BMPR2: variants seen among roughly 807,000 people sequenced by gnomAD.
The protein encoded by BMPR2 is bone morphogenetic protein receptor type-2.
Under a neutral mutation model 100.8 loss-of-function variants are expected in BMPR2, and 29 were observed. The observed-to-expected ratio is 0.29, with a 90% confidence interval of 0.21 to 0.39. The LOEUF (loss-of-function observed/expected upper bound fraction) is 0.39, where lower values mean the gene tolerates loss of function less well. BMPR2 is among the 10% of genes least tolerant of loss of function. BMPR2 has a pLI of 1.00. For synonymous variants in BMPR2, 382 were observed against 442.3 expected, an observed-to-expected ratio of 0.86 and a Z score of 1.71; for missense variants, 1,011 against 1,274.5, an observed-to-expected ratio of 0.79 and a Z score of 3.15.
intron 1 of BMPR2, among the ~76,000 whole-genome samples, chr2:202,430,819 T>TGTG (rs1426300810): frequency 6.7e-6 from 1 of 149,796 alleles, no homozygotes; most frequent in Non-Finnish European, 1.5e-5. Flanking sequence ...ATTAGCCAGG[T>TGTG]GTGGTGGCAC....
chr2:202,527,840 C>A (rs1687947032), intron 7 of BMPR2, among the ~76,000 whole-genome samples: 1 of 151,842 alleles, frequency 6.6e-6, no homozygotes, highest in African/African-American at 2.4e-5. Flanking sequence ...AAAAAATATT[C>A]CCAAGTACAG....
Position 202,377,387 on chromosome 2 carries a change from A to G in BMPR2, c.-88A>G. ...GATACGGGCAGGATCAGTCCACGGG[A>G]GAGAAGACGAGCCTCCCGGCTGTTT... On this transcript the variant is annotated 5_prime_UTR_variant, in exon 1 of 13. Transcript: ENST00000374580. 1.6e-6 allele frequency: 2 copies of G among 1,266,852 alleles called. No homozygotes were observed. Among genetic ancestry groups the G allele is most frequent in the South Asian group, 1.2e-5 (1 of 84,208 alleles). The allele number at this position is 1,266,852 out of a possible 1,614,324, so 78.5% of individuals were successfully genotyped here. A position where few individuals can be genotyped will look rare whatever the true frequency, so the allele number is the denominator to read the frequency against.
At chr2:202,474,011 A>G (rs998633502) in intron 3 of BMPR2, among the ~76,000 whole-genome samples, 1 of 151,350 alleles carries the variant, frequency 6.6e-6, no homozygotes, top group Admixed American at 6.6e-5. Context: ...AGGCTGAGGC[A>G]GAAGAATTCC....
chr2:202,436,498 C>T (rs959861721), intron 1 of BMPR2, among the ~76,000 whole-genome samples: 3 of 150,326 alleles, frequency 2.0e-5, no homozygotes, highest in Admixed American at 1.3e-4. Flanking sequence ...AAACAAAAGC[C>T]GAAAAGAAAA....
intron 1 of BMPR2, among the ~76,000 whole-genome samples, chr2:202,389,250 G>T (rs948727298): frequency 6.6e-6 from 1 of 151,798 alleles, no homozygotes; most frequent in Non-Finnish European, 1.5e-5. Context: ...AAAAAAGGCT[G>T]GGTGTGGTGG....
rs142857768 is a variant in BMPR2 at position 202,434,311 on chromosome 2, G to A, written c.77-30498G>A. ...TTAAAGCAATGGCTACCAAGAGGTG[G>A]AAGTGGTCCAGTCAAAGCAAAATGG... On this transcript the variant is annotated intron_variant, in intron 1 of 12. Coordinates refer to ENST00000374580, the MANE Select transcript of BMPR2 (RefSeq NM_001204.7). Among the ~76,000 whole-genome samples, 462 of 150,746 alleles carry A rather than the reference G, an allele frequency of 3.1e-3. 35 individuals are homozygous for A. The highest frequency in any genetic ancestry group is 9.6e-3 in the African/African-American group (383 of 40,082).
At chr2:202,384,686 C>T (rs1025642064) in intron 1 of BMPR2, among the ~76,000 whole-genome samples, 2 of 151,734 alleles carry the variant, frequency 1.3e-5, no homozygotes, top group East Asian at 1.9e-4. Context: ...CTTCACCTCC[C>T]GGGTACAAGT....
At chr2:202,436,389 T>C (rs1691615371) in intron 1 of BMPR2, among the ~76,000 whole-genome samples, 1 of 150,028 alleles carries the variant, frequency 6.7e-6, no homozygotes, top group Admixed American at 6.6e-5. Context: ...GAGGCTGCAG[T>C]GAGCCCTGAT....
intron 1 of BMPR2, among the ~76,000 whole-genome samples, chr2:202,446,151 G>A (rs761555550): frequency 8.0e-5 from 12 of 150,200 alleles, no homozygotes; most frequent in South Asian, 4.2e-4. Context: ...CTGTAATCCC[G>A]GCACTTTGGG....
At chr2:202,411,444 A>C (rs1691011336) in intron 1 of BMPR2, among the ~76,000 whole-genome samples, 2 of 152,252 alleles carry the variant, frequency 1.3e-5, no homozygotes, top group Admixed American at 1.3e-4. Context: ...TTACAAAATT[A>C]CTTTCCTTGT....
intron 1 of BMPR2, among the ~76,000 whole-genome samples, chr2:202,418,540 G>T (rs1691186569): frequency 2.0e-5 from 3 of 152,170 alleles, no homozygotes; most frequent in Admixed American, 2.0e-4. Context: ...GTTACAGCTT[G>T]ATTTTATACA....
At chr2:202,447,076 G>C (rs540600443) in intron 1 of BMPR2, among the ~76,000 whole-genome samples, 11 of 149,498 alleles carry the variant, frequency 7.4e-5, no homozygotes, top group Non-Finnish European at 1.5e-4. Context: ...GGGAGGCCGA[G>C]GTGGGCGGAT....
chr2:202,480,861 A>G (rs1692645052), intron 3 of BMPR2, among the ~76,000 whole-genome samples: 1 of 148,276 alleles, frequency 6.7e-6, no homozygotes, highest in African/African-American at 2.5e-5. Context: ...AGGCTGAGGC[A>G]GGAGAATGGC....
chr2:202,458,276 G>T (rs1417939112), intron 1 of BMPR2, among the ~76,000 whole-genome samples: 1 of 93,690 alleles, frequency 1.1e-5, no homozygotes, highest in African/African-American at 4.4e-5. Flanking sequence ...GCAAGACCTT[G>T]TCTCTGCAAA....
chr2:202,520,033 T>G lies in BMPR2; in HGVS notation c.853-54T>G. 13 of 1,164,474 alleles carry G rather than the reference T, an allele frequency of 1.1e-5. No homozygotes were observed. The South Asian group carries it at 1.6e-4, about 15-fold the overall frequency. 72.1% of individuals were successfully genotyped at this position (1,164,474 alleles called of 1,614,324 possible). On this transcript the variant is annotated intron_variant, in intron 6 of 12. Coordinates refer to ENST00000374580, the MANE Select transcript of BMPR2 (RefSeq NM_001204.7). Reference sequence around the variant, plus strand: ...TAAGGATGCTAATTTACTCTTCATGTTAAAGTGAGTTAATTCTACCTTTTT... The same window carrying G: ...TAAGGATGCTAATTTACTCTTCATGGTAAAGTGAGTTAATTCTACCTTTTT...
chr2:202,417,761 C>T (rs1349949186), intron 1 of BMPR2, among the ~76,000 whole-genome samples: 1 of 151,590 alleles, frequency 6.6e-6, no homozygotes, highest in African/African-American at 2.4e-5. Context: ...CTCTGTCACC[C>T]AGGCTGGAGT....
intron 5 of BMPR2, among the ~76,000 whole-genome samples, chr2:202,516,888 CA>C (rs1687722782): frequency 6.6e-6 from 1 of 152,136 alleles, no homozygotes; most frequent in African/African-American, 2.4e-5. Flanking sequence ...GTATGAAACA[CA>C]ACATATATCC....
In BMPR2 at chr2:202,376,941, C is replaced by T. The variant is rs572168659; in HGVS notation, c.-534C>T. ...GTTTTCGAAATCAGAGTGAAGGAAG[C>T]ACCGAAGCGAAACTTAAGGAATCCT... On this transcript the variant is annotated 5_prime_UTR_variant, in exon 1 of 13. Transcript: ENST00000374580. 6.0e-5 allele frequency: 27 copies of T among 447,134 alleles called. No individual in the cohort carries two copies. Among genetic ancestry groups the T allele is most frequent in the Middle Eastern group, 5.8e-4 (1 of 1,724 alleles). 27.7% of individuals were successfully genotyped at this position (447,134 alleles called of 1,614,324 possible).
At chr2:202,429,076 A>G (rs192035970) in intron 1 of BMPR2, among the ~76,000 whole-genome samples, 125 of 152,180 alleles carry the variant, frequency 8.2e-4, no homozygotes, top group African/African-American at 2.9e-3. Context: ...TCTAGAATCT[A>G]TTCCTTTCTT....
Sources: allele counts gnomAD v4.1 joint callset (sites outside exome capture counted in the v4.1 genomes callset), GRCh38; gene constraint gnomAD v4.1.1; transcripts MANE v1.5; gene names NCBI Gene and HGNC (gene_info 2026-07-23, HGNC 2026-07-21).